Variants in MYH3 observed in about 807,000 individuals in gnomAD.
The protein encoded by MYH3 is myosin heavy chain 3.
MYH3 carries 130 observed loss-of-function variants against 238.0 expected under a neutral mutation model. The ratio of observed to expected loss-of-function variants is 0.55; its 90% CI spans 0.47 to 0.63. The LOEUF is 0.63. MYH3 is among the 30% of genes least tolerant of loss of function. The probability of loss-of-function intolerance (pLI) is 0.00; values close to 1 mark genes in which losing one functional copy is unlikely to be tolerated. For synonymous variants in MYH3, 880 were observed against 924.1 expected (o/e 0.95, Z 0.86); for missense variants, 1,853 against 2,374.9 (o/e 0.78, Z 4.57).
chr17:10,659,343 G>C (rs1038808323), upstream of MYH3, among the ~76,000 whole-genome samples: 1 of 152,174 alleles, frequency 6.6e-6, no homozygotes, highest in Admixed American at 6.5e-5. Context: ...CACTGTCCTT[G>C]TTTCCTTCCT....
chr17:10,677,296 G>GC, the MYH3 span: 1 of 152,100 alleles, frequency 6.6e-6, no homozygotes, highest in Non-Finnish European at 1.5e-5. Context: ...CGTGAGAAGA[G>GC]CGAGACTCCA....
intron 4 of MYH3, 176 bp downstream of exon 4, chr17:10,652,243 CT>C: frequency 1.2e-6 from 1 of 803,438 alleles, no homozygotes; most frequent in East Asian, 2.8e-5. Flanking sequence ...TTCCTTCTTC[CT>C]GCCCCATCCA....
chr17:10,631,638 C>T lies in MYH3; in HGVS notation c.5259G>A (p.Glu1753=), dbSNP rs1184305721. The change falls in exon 36 of 41, where the codon GAG becomes GAA. Residue 1753 remains glutamate, a synonymous_variant. Coordinates refer to ENST00000583535, the MANE Select transcript of MYH3 (RefSeq NM_002470.4). The stretch of plus-strand genomic sequence containing the variant: ...CCGTGATGGCCTTCTTGGCCTTCTC[C>T]TCAGCGTTCCTTGCATCCCTGCTGG... The part of the protein sequence containing the change: ...EDASRDARNA[E]EKAKKAITDA... 6.2e-7 allele frequency: 1 copy of T among 1,614,144 alleles called. No homozygotes were observed. Among genetic ancestry groups the T allele is most frequent in the South Asian group, 1.1e-5 (1 of 91,078 alleles).
rs761072452 is a variant in MYH3 at position 10,630,358 on chromosome 17, T to C, written c.5387A>G (p.His1796Arg). ...CAGCTGCTCGGCCTCATCTAGACGATGCTGCAGGTCCTTCACCGTCTGTTC... is the reference window on the plus strand; with the variant it reads ...CAGCTGCTCGGCCTCATCTAGACGACGCTGCAGGTCCTTCACCGTCTGTTC... ...NLEQTVKDLQ[H>R]RLDEAEQLAL... is the part of the protein sequence containing the mutation. Residue 1796 changes from histidine (H) to arginine (R), a missense_variant, in exon 37 of 41, where the codon CAT becomes CGT. Coordinates refer to ENST00000583535, the MANE Select transcript of MYH3 (RefSeq NM_002470.4). 3.1e-6 allele frequency: 5 copies of C among 1,614,086 alleles called. No homozygotes were observed. Among genetic ancestry groups the C allele is most frequent in the African/African-American group, 1.3e-5 (1 of 74,940 alleles).
In MYH3 at chr17:10,637,275, G is replaced by A. The variant is rs189754193; in HGVS notation, c.3856+534C>T. 2.0e-4 allele frequency among the ~76,000 whole-genome samples: 31 copies of A among 152,134 alleles called. No homozygotes were observed. The East Asian group carries it at 5.9e-3, about 29-fold the overall frequency. ...GGGTTTCACCATGTCGGCCAGGCTG[G>A]TCTTGAACTCCTGACCTCAGGTGAT... On this transcript the variant is annotated intron_variant, in intron 28 of 40. Coordinates refer to ENST00000583535, the MANE Select transcript of MYH3 (RefSeq NM_002470.4).
rs758929619 is a variant in MYH3 at position 10,631,905 on chromosome 17, G to C, written c.5068C>G (p.Arg1690Gly). Residue 1690 changes from arginine (R) to glycine (G), a missense_variant, in exon 35 of 41, where the codon CGG (arginine) becomes GGG (glycine). By Grantham distance (125) the Arg-to-Gly change is moderately radical. Around this residue, in one of 3 missense-constraint regions of MYH3, gnomAD observed 1,044 missense variants for 1,192.6 expected, o/e 0.88. Coordinates refer to ENST00000583535, the MANE Select transcript of MYH3 (RefSeq NM_002470.4). ...CTCTCCGTCTGCTCCAGAGTAGCCC[G>C]CAGCTCCTCCACCTCGGCCTGCAGC... is the stretch of plus-strand genomic sequence containing the variant. ...NLLQAEVEEL[R>G]ATLEQTERAR... 7 of 1,613,996 alleles carry C rather than the reference G, an allele frequency of 4.3e-6. No individual in the cohort carries two copies. The highest frequency in any genetic ancestry group is 1.3e-5 in the African/African-American group (1 of 74,908).
At chr17:10,657,166 G>C (rs954357748) in intron 1 of MYH3, 123 bp downstream of exon 1, 3 of 152,440 alleles carry the variant, frequency 2.0e-5, no homozygotes, top group Non-Finnish European at 2.9e-5. Flanking sequence ...AACTCAGAAA[G>C]GCATGAGGCG....
upstream of MYH3, among the ~76,000 whole-genome samples, chr17:10,661,434 T>A (rs147477534): frequency 6.6e-6 from 1 of 151,852 alleles, no homozygotes; most frequent in African/African-American, 2.4e-5. Flanking sequence ...AGGGGACAGA[T>A]GACTTAGTGG....
intron 17 of MYH3, among the ~76,000 whole-genome samples, chr17:10,641,698 T>A (rs564645888): frequency 3.0e-4 from 46 of 152,170 alleles, no homozygotes; most frequent in South Asian, 1.2e-3. Flanking sequence ...ATATGTTTAA[T>A]GGAGACGGGG....
intron 33 of MYH3, among the ~76,000 whole-genome samples, chr17:10,633,343 A>C (rs2074183065): frequency 6.6e-6 from 1 of 152,260 alleles, no homozygotes; most frequent in Admixed American, 6.5e-5. Flanking sequence ...AGATATTTTT[A>C]ATTCATGTAA....
In MYH3 at chr17:10,632,291, A is replaced by AT. The variant is rs571222522; in HGVS notation, c.4956+184dup. Among the ~76,000 whole-genome samples the AT allele has an allele frequency of 6.7e-4, 101 of 151,682 alleles. 1 individual carries two copies. Among genetic ancestry groups the AT allele is most frequent in the East Asian group, 2.9e-3 (15 of 5,138 alleles). On this transcript the variant is annotated intron_variant, in intron 34 of 40. Transcript: ENST00000583535. ...GTGCCACCATGCCTAGCTAATTTTTATTTTTTTTGTAGAGATAAGGTTTTG... is the reference window on the plus strand; with the variant it reads ...GTGCCACCATGCCTAGCTAATTTTTATTTTTTTTTGTAGAGATAAGGTTTTG...
At chr17:10,637,761 T>TG in intron 28 of MYH3, 48 bp downstream of exon 28, 2 of 1,612,850 alleles carry the variant, frequency 1.2e-6, no homozygotes, top group Non-Finnish European at 1.7e-6. Flanking sequence ...CTACGCCCAT[T>TG]GGGTGCCAGG....
In MYH3 at chr17:10,645,842, C is replaced by T. The variant is rs1336684067; in HGVS notation, c.1006G>A (p.Ala336Thr). 1.2e-6 allele frequency: 2 copies of T among 1,613,868 alleles called. No homozygotes were observed. Among genetic ancestry groups the T allele is most frequent in the Non-Finnish European group, 8.5e-7 (1 of 1,180,010 alleles). ...GGGGTGAAGCCCAGGATGTCAATGG[C>T]GCTCTGGCATGGAAAGGGCAGCACG... ...DAEELLATDS[A>T]IDILGFTPEE... The change falls in exon 12 of 41, where the codon GCC (alanine) becomes ACC (threonine). Residue 336 changes from alanine to threonine, a missense_variant. Ala to Thr is a moderately conservative substitution (Grantham distance 58). Around this residue, in one of 3 missense-constraint regions of MYH3, gnomAD observed 678 missense variants for 1,058.9 expected, o/e 0.64. Transcript: ENST00000583535.
At chr17:10,665,433 G>A in the MYH3 span, among the ~76,000 whole-genome samples, 25 of 152,238 alleles carry the variant, frequency 1.6e-4, no homozygotes, top group African/African-American at 6.0e-4. Flanking sequence ...GTGAGCCACC[G>A]AACCCAGACT....
In MYH3 at chr17:10,632,567, T is replaced by G. The variant is rs1446303362; in HGVS notation, c.4865A>C (p.Asp1622Ala). The change falls in exon 34 of 41, where the codon GAC (aspartate) becomes GCC (alanine). Residue 1622 changes from aspartate (D) to alanine (A), a missense_variant. By Grantham distance (126) the Asp-to-Ala change is moderately radical. This residue lies in a region of MYH3 where 1,044 missense variants were observed against 1,192.6 expected (regional missense o/e 0.88). Coordinates refer to ENST00000583535, the MANE Select transcript of MYH3 (RefSeq NM_002470.4). ...CAGCTGGATCTCGATTTCATTCAGGTCCCCCTCCATCTTCTTCTTGAGCCG... is the reference window on the plus strand; with the variant it reads ...CAGCTGGATCTCGATTTCATTCAGGGCCCCCTCCATCTTCTTCTTGAGCCG... The part of the protein sequence containing the change: ...AIRLKKKMEG[D>A]LNEIEIQLSH... 3.7e-6 allele frequency: 6 copies of G among 1,614,056 alleles called. No homozygotes were observed. The highest frequency in any genetic ancestry group is 5.1e-6 in the Non-Finnish European group (6 of 1,180,022).
At chr17:10,670,028 G>A in the MYH3 span, among the ~76,000 whole-genome samples, 15 of 152,216 alleles carry the variant, frequency 9.9e-5, no homozygotes, top group East Asian at 1.9e-4. This position sits in a 1 kb window ranked among gnomAD's most constrained non-coding sequence, Gnocchi z 7.0. Context: ...ATCTCAAAGC[G>A]TGTATGTATG....
intron 17 of MYH3, among the ~76,000 whole-genome samples, chr17:10,641,671 C>T (rs1208020685): frequency 1.3e-5 from 2 of 152,082 alleles, no homozygotes; most frequent in African/African-American, 4.8e-5. Flanking sequence ...TATGCCACCA[C>T]ACCTGGCTAA....
At position 10,639,426 on chromosome 17, in the gene MYH3, T is replaced by G; in HGVS notation, c.2974A>C (p.Lys992Gln). The part of the protein sequence containing the change: ...ELSGLDETIA[K>Q]LTREKKALQE... ...AGGGCCTTCTTCTCTCTGGTTAACTTTGCAATTGTTTCATCTAACCCAGAG... is the reference window on the plus strand; with the variant it reads ...AGGGCCTTCTTCTCTCTGGTTAACTGTGCAATTGTTTCATCTAACCCAGAG... The change falls in exon 24 of 41, where the codon AAG becomes CAG. Residue 992 changes from lysine (K) to glutamine (Q), a missense_variant. Lys to Gln is a moderately conservative substitution (Grantham distance 53, BLOSUM62 1). Around this residue, in one of 3 missense-constraint regions of MYH3, gnomAD observed 1,044 missense variants for 1,192.6 expected, o/e 0.88. Transcript: ENST00000583535. 6.2e-7 allele frequency: 1 copy of G among 1,614,120 alleles called. No homozygotes were observed. The highest frequency in any genetic ancestry group is 8.5e-7 in the Non-Finnish European group (1 of 1,179,990).
Position 10,633,709 on chromosome 17 carries a change from A to G in MYH3, c.4529T>C (p.Ile1510Thr), listed in dbSNP as rs1388984490. The G allele has an allele frequency of 2.5e-6, 4 of 1,614,026 alleles. No individual in the cohort carries two copies. The highest frequency in any genetic ancestry group is 2.2e-5 in the South Asian group (2 of 91,088). ...KRENKNLEQEIADLTEQIAEN... is the reference protein window; with the variant it reads ...KRENKNLEQETADLTEQIAEN... ...AGCAATTTGTTCTGTGAGATCTGCTATCTCCTCTGTAAAGAAGTAAGTTTC... is the reference window on the plus strand; with the variant it reads ...AGCAATTTGTTCTGTGAGATCTGCTGTCTCCTCTGTAAAGAAGTAAGTTTC... The change falls in exon 33 of 41, where the codon ATA (isoleucine) becomes ACA (threonine). Residue 1510 changes from isoleucine (I) to threonine (T), a missense_variant. By Grantham distance (89) the Ile-to-Thr change is moderately conservative. Transcript: ENST00000583535.
Sources: gnomAD v4.1 joint callset for allele counts (sites outside exome capture counted in the v4.1 genomes callset) on GRCh38, gnomAD v4.1.1 for gene constraint, gnomAD v4.1.1 regional missense constraint, Gnocchi (gnomAD v3.1) non-coding constraint, MANE v1.5 for transcripts, NCBI Gene and HGNC (gene_info 2026-07-23, HGNC 2026-07-21) for gene names.